Variants in CBFA2T2 observed in about 807,000 individuals in gnomAD.
CBFA2T2 encodes the protein CBFA2/RUNX1 partner transcriptional co-repressor 2.
A neutral mutation model predicts 62.2 loss-of-function variants in CBFA2T2; 11 were observed. That is an observed-to-expected ratio of 0.18 (90% confidence interval 0.11 to 0.29). The LOEUF is 0.29. Among genes scored for constraint, CBFA2T2 ranks in the 10% least tolerant of loss-of-function variants. CBFA2T2 has a pLI of 1.00. For missense variants in CBFA2T2, 592 were observed against 774.1 expected (o/e 0.76, Z 2.79); for synonymous variants, 295 against 287.5 (o/e 1.03, Z -0.27).
intron 1 of CBFA2T2, among the ~76,000 whole-genome samples, chr20:33,517,298 T>G (rs968844937): frequency 2.0e-5 from 3 of 152,166 alleles, no homozygotes; most frequent in African/African-American, 7.2e-5. Flanking sequence ...TCATGACATA[T>G]GGGAAGAAAA....
At chr20:33,517,938 C>G (rs2011631220) in intron 1 of CBFA2T2, among the ~76,000 whole-genome samples, 1 of 151,742 alleles carries the variant, frequency 6.6e-6, no homozygotes, top group East Asian at 1.9e-4. Context: ...GCCACCGTGC[C>G]CAGCTTACAT....
At chr20:33,586,098 A>G (rs73257847) in intron 1 of CBFA2T2, among the ~76,000 whole-genome samples, 1,791 of 152,342 alleles carry the variant, frequency 0.012, 38 homozygotes, top group African/African-American at 0.041. Context: ...ACAGTATGCA[A>G]AAGGACTGCC....
chr20:33,618,641 TTTTGTTTGTTTGTTTG>T (rs202168401), intron 3 of CBFA2T2: 1 of 152,102 alleles, frequency 6.6e-6, no homozygotes, highest in Non-Finnish European at 1.5e-5. Flanking sequence ...TTCTGGTGGT[TTTTGTTTGTTTGTTTG>T]TTTGTTTGTT....
chr20:33,497,274 C>CAAAAAAAAAA (rs34528525), intron 1 of CBFA2T2, among the ~76,000 whole-genome samples: 2 of 58,074 alleles, frequency 3.4e-5, no homozygotes, highest in Non-Finnish European at 6.0e-5. Context: ...ACCCTGTCTC[C>CAAAAAAAAAA]AAAAAAAAAA....
intron 1 of CBFA2T2, among the ~76,000 whole-genome samples, chr20:33,541,074 G>A (rs62209597): frequency 0.024 from 3,603 of 152,308 alleles, 67 homozygotes; most frequent in Non-Finnish European, 0.032. Flanking sequence ...AGGCAGCCAG[G>A]AAATCTGGTT....
intron 1 of CBFA2T2, among the ~76,000 whole-genome samples, chr20:33,588,361 TA>T (rs1007373101): frequency 6.7e-6 from 1 of 148,996 alleles, no homozygotes; most frequent in Non-Finnish European, 1.5e-5. Flanking sequence ...AATGAAGAAA[TA>T]TATATATATA....
At chr20:33,634,145 T>G (rs766369869) in intron 8 of CBFA2T2, among the ~76,000 whole-genome samples, 3 of 152,104 alleles carry the variant, frequency 2.0e-5, no homozygotes, top group Non-Finnish European at 2.9e-5. Context: ...ATTTTTGTAT[T>G]TTTAGTAAAG....
intron 1 of CBFA2T2, among the ~76,000 whole-genome samples, chr20:33,558,627 T>G (rs569211590): frequency 6.6e-6 from 1 of 151,680 alleles, no homozygotes; most frequent in South Asian, 2.1e-4. Context: ...TTGTTTTACT[T>G]TTTTTTTGGG....
In CBFA2T2 at chr20:33,611,102, G is replaced by A; in HGVS notation, c.187G>A (p.Gly63Ser). The change falls in exon 3 of 11, where the codon GGC (glycine) becomes AGC (serine). Residue 63 changes from glycine (G) to serine (S), a missense_variant. Transcript: ENST00000342704. ...TTTTGGCTTTCTTTTAGTAAGCAAT[G>A]GCATCAACCATTCTCCTCCTACCCT... The part of the protein sequence containing the change: ...VSFTPTALSN[G>S]INHSPPTLNG... The A allele has an allele frequency of 6.2e-7, 1 of 1,614,088 alleles. No homozygotes were observed. The highest frequency in any genetic ancestry group is 8.5e-7 in the Non-Finnish European group (1 of 1,179,972).
At chr20:33,578,601 G>A (rs2013946196) in intron 1 of CBFA2T2, among the ~76,000 whole-genome samples, 1 of 152,144 alleles carries the variant, frequency 6.6e-6, no homozygotes. Flanking sequence ...ATCCAAAGGG[G>A]CCAACCACAT....
At chr20:33,531,056 C>G (rs1489267420) in intron 1 of CBFA2T2, among the ~76,000 whole-genome samples, 1 of 152,134 alleles carries the variant, frequency 6.6e-6, no homozygotes, top group Non-Finnish European at 1.5e-5. Context: ...GCACTCCAAC[C>G]TGGGCAACAG....
intron 1 of CBFA2T2, among the ~76,000 whole-genome samples, chr20:33,536,051 AG>A (rs2012212806): frequency 6.6e-6 from 1 of 152,214 alleles, no homozygotes; most frequent in Admixed American, 6.5e-5. Context: ...CAAAATGAAA[AG>A]TCTCACATGT....
chr20:33,503,107 A>G (rs1224071734), intron 1 of CBFA2T2, among the ~76,000 whole-genome samples: 1 of 151,012 alleles, frequency 6.6e-6, no homozygotes, highest in Admixed American at 6.6e-5. Flanking sequence ...AAAAAAAAAA[A>G]AAAAAAAAGA....
At chr20:33,623,074 T>G in intron 4 of CBFA2T2, 41 bp from the exon 5 acceptor site, 12 of 1,607,324 alleles carry the variant, frequency 7.5e-6, no homozygotes, top group Admixed American at 1.7e-5. Flanking sequence ...AGCCTTCTTG[T>G]GTAGGGCCTA....
Position 33,629,888 on chromosome 20 carries a change from C to T in CBFA2T2, c.1202C>T (p.Pro401Leu). The T allele has an allele frequency of 1.2e-6, 2 of 1,613,254 alleles. No homozygotes were observed. Among genetic ancestry groups the T allele is most frequent in the Non-Finnish European group, 1.7e-6 (2 of 1,179,750 alleles). Residue 401 changes from proline to leucine, a missense_variant, in exon 8 of 11, where the codon CCT (proline) becomes CTT (leucine). Physicochemically the swap from Pro to Leu is moderately conservative, Grantham distance 98 (BLOSUM62 -3). Coordinates refer to ENST00000342704, the MANE Select transcript of CBFA2T2 (RefSeq NM_001032999.3). ...GAGTTGGTCTCCAGGCAGCACAGCC[C>T]TGGGAGTGCAGATTCTCTCAGCAAT... The part of the protein sequence containing the change: ...GTELVSRQHS[P>L]GSADSLSNDS...
intron 8 of CBFA2T2, among the ~76,000 whole-genome samples, chr20:33,635,923 C>G (rs889289858): frequency 2.6e-5 from 4 of 151,964 alleles, no homozygotes; most frequent in Non-Finnish European, 4.4e-5. Context: ...TTTCCTCCCC[C>G]TACATTTTTC....
intron 1 of CBFA2T2, among the ~76,000 whole-genome samples, chr20:33,559,764 G>T (rs1456574581): frequency 1.3e-5 from 2 of 152,168 alleles, no homozygotes; most frequent in Non-Finnish European, 2.9e-5. Context: ...GGGATTACAG[G>T]CGTGAGCCAT....
At chr20:33,639,774 C>G (rs2016763722) in intron 9 of CBFA2T2, 1 of 152,464 alleles carries the variant, frequency 6.6e-6, no homozygotes, top group South Asian at 2.1e-4. Flanking sequence ...GCCTGTAGTC[C>G]TAGCTACTCA....
intron 3 of CBFA2T2, among the ~76,000 whole-genome samples, chr20:33,614,899 C>A (rs1392292691): frequency 1.3e-5 from 2 of 152,226 alleles, no homozygotes; most frequent in African/African-American, 4.8e-5. Flanking sequence ...AGATGCCAGC[C>A]AGTGGCCCAA....
Sources: gnomAD v4.1 joint callset for allele counts (sites outside exome capture counted in the v4.1 genomes callset) on GRCh38, gnomAD v4.1.1 for gene constraint, MANE v1.5 for transcripts, NCBI Gene and HGNC (gene_info 2026-07-23, HGNC 2026-07-21) for gene names.